Variants in SGO1 observed in about 807,000 individuals in gnomAD.
SGO1 encodes the protein serologically defined breast cancer antigen NY-BR-85.
SGO1 carries 39 observed loss-of-function variants against 50.5 expected under a neutral mutation model. That is an observed-to-expected ratio of 0.77 (90% CI 0.60 to 1.01). The LOEUF (loss-of-function observed/expected upper bound fraction) is 1.01, where lower values mean the gene tolerates loss of function less well. SGO1 is among the 50% of genes least tolerant of loss of function. The probability of loss-of-function intolerance (pLI) is 0.00; values close to 1 mark genes in which losing one functional copy is unlikely to be tolerated. For missense variants in SGO1, 638 were observed against 606.0 expected, an observed-to-expected ratio of 1.05 and a Z score of -0.55; for synonymous variants, 191 against 205.1, an observed-to-expected ratio of 0.93 and a Z score of 0.59.
chr3:20,175,868 T>C (rs901328681), intron 5 of SGO1, among the ~76,000 whole-genome samples: 18 of 152,050 alleles, frequency 1.2e-4, no homozygotes, highest in South Asian at 2.1e-4. Flanking sequence ...ATATGTATCA[T>C]TGAGTACAGA....
intron 3 of SGO1, among the ~76,000 whole-genome samples, chr3:20,182,972 C>T (rs62241698): frequency 0.047 from 7,165 of 151,858 alleles, 214 homozygotes; most frequent in Middle Eastern, 0.075. Flanking sequence ...GAGCCGAGAT[C>T]GCGCCACTGC....
chr3:20,184,219 C>T (rs933122131), intron 1 of SGO1, among the ~76,000 whole-genome samples, 185 bp from the exon 2 acceptor site: 1 of 152,166 alleles, frequency 6.6e-6, no homozygotes, highest in Non-Finnish European at 1.5e-5. Flanking sequence ...TTCTGATATT[C>T]TCTCTTCCTC....
At chr3:20,163,689 G>A (rs561531323) in intron 8 of SGO1, among the ~76,000 whole-genome samples, 3 of 152,266 alleles carry the variant, frequency 2.0e-5, no homozygotes, top group African/African-American at 7.2e-5. Context: ...GGTAAACGCT[G>A]CAGCTGCAAG....
At chr3:20,168,284 A>G (rs1284121226), downstream of SGO1, among the ~76,000 whole-genome samples, 2 of 152,206 alleles carry the variant, frequency 1.3e-5, no homozygotes, top group African/African-American at 4.8e-5. Flanking sequence ...CTAGAGCAGG[A>G]GTTGGCAAAC....
At chr3:20,169,082 T>C, downstream of SGO1, 1 of 984,932 alleles carries the variant, frequency 1.0e-6, no homozygotes, top group South Asian at 4.7e-5. Context: ...CTAGGGTGTA[T>C]GAATCAGTGA....
downstream of SGO1, chr3:20,169,368 C>A (rs1013240617): frequency 1.2e-5 from 12 of 984,698 alleles, no homozygotes; most frequent in Non-Finnish European, 1.4e-5. Flanking sequence ...AGAACACCCC[C>A]CCCTCAAAAA....
Position 20,183,911 on chromosome 3 carries a change from A to G in SGO1, c.117T>C (p.Phe39=). 3 of 1,610,994 alleles carry G rather than the reference A, an allele frequency of 1.9e-6. No homozygotes were observed. Among genetic ancestry groups the G allele is most frequent in the Non-Finnish European group, 2.5e-6 (3 of 1,179,292 alleles). The change falls in exon 2 of 8, where the codon TTT becomes TTC. Residue 39 remains phenylalanine (F), a synonymous_variant. Transcript: ENST00000412997. ...NLAEIGKRRS[F]IAAPCQIITN... Reference sequence around the variant, plus strand: ...TGATTATTTGGCATGGTGCAGCTATAAAAGACCTGCGTTTGCCAATCTCTG... The same window carrying G: ...TGATTATTTGGCATGGTGCAGCTATGAAAGACCTGCGTTTGCCAATCTCTG...
chr3:20,174,085 C>A (rs1701079521), intron 6 of SGO1, among the ~76,000 whole-genome samples, 164 bp downstream of exon 6: 1 of 152,148 alleles, frequency 6.6e-6, no homozygotes. Context: ...TTTCCACACC[C>A]AGCCCCCCAC....
downstream of SGO1, among the ~76,000 whole-genome samples, chr3:20,167,146 G>A (rs576340251): frequency 3.2e-4 from 49 of 152,270 alleles, no homozygotes; most frequent in African/African-American, 1.1e-3. Context: ...CCCATTCTAT[G>A]ACAAAGCTAG....
intron 6 of SGO1, among the ~76,000 whole-genome samples, chr3:20,172,789 AAGT>A (rs1240156946): frequency 6.1e-5 from 8 of 130,140 alleles, no homozygotes. Context: ...TCTTCACAAA[AAGT>A]AAAAAAAAAA....
intron 3 of SGO1, among the ~76,000 whole-genome samples, chr3:20,179,794 A>G (rs1701806899): frequency 6.6e-6 from 1 of 152,218 alleles, no homozygotes; most frequent in South Asian, 2.1e-4. Flanking sequence ...GACATGGAAC[A>G]GTCAGAAAGG....
chr3:20,175,745 G>A (rs917071508), intron 5 of SGO1, among the ~76,000 whole-genome samples: 18 of 151,550 alleles, frequency 1.2e-4, no homozygotes, highest in African/African-American at 4.1e-4. Context: ...CTTGTAGTGA[G>A]CTGAGATCGC....
intron 3 of SGO1, among the ~76,000 whole-genome samples, chr3:20,182,115 C>A (rs552682083): frequency 6.6e-6 from 1 of 151,728 alleles, no homozygotes; most frequent in Non-Finnish European, 1.5e-5. Context: ...ACATAAAGTT[C>A]CCGTGAAGAA....
Position 20,183,612 on chromosome 3 carries a change from G to A in SGO1, c.335C>T (p.Ala112Val), listed in dbSNP as rs540144797. The A allele has an allele frequency of 1.5e-5, 23 of 1,575,894 alleles. No individual in the cohort carries two copies. The East Asian group carries it at 5.2e-4, about 36-fold the overall frequency. Residue 112 changes from alanine (A) to valine (V), a missense_variant, in exon 3 of 8, where the codon GCT becomes GTT. Physicochemically the swap from Ala to Val is moderately conservative, Grantham distance 64. Coordinates refer to ENST00000412997, the MANE Select transcript of SGO1 (RefSeq NM_001199251.3). ...CGGCCTTAGTAATGAAAATACCTGA[G>A]CAGGTTCTACTGTTTGTTGTGATGT... ...KLTSQQTVEP[A>V]QNQEICSSGM...
intron 8 of SGO1, among the ~76,000 whole-genome samples, chr3:20,163,055 C>A (rs1262438663): frequency 6.6e-6 from 1 of 151,748 alleles, no homozygotes; most frequent in Non-Finnish European, 1.5e-5. Context: ...ATTCATAGTA[C>A]CTTAAGAAGT....
At chr3:20,175,270 A>T (rs1291644178) in intron 5 of SGO1, among the ~76,000 whole-genome samples, 1 of 152,208 alleles carries the variant, frequency 6.6e-6, no homozygotes, top group African/African-American at 2.4e-5. Context: ...TGACATGTGA[A>T]AGAATCTTGT....
downstream of SGO1, among the ~76,000 whole-genome samples, chr3:20,165,801 C>A (rs4858772): frequency 0.23 from 34,231 of 152,134 alleles, 3,853 homozygotes; most frequent in Admixed American, 0.26. Flanking sequence ...CCTGTAATCC[C>A]AGCACTTTGG....
intron 5 of SGO1, among the ~76,000 whole-genome samples, chr3:20,175,689 C>T (rs532114757): frequency 4.0e-5 from 6 of 151,858 alleles, no homozygotes; most frequent in African/African-American, 1.5e-4. Context: ...GTCCCAACTA[C>T]TCGGGAGACT....
chr3:20,168,663 G>A (rs1455661108), downstream of SGO1, among the ~76,000 whole-genome samples: 2 of 144,124 alleles, frequency 1.4e-5, no homozygotes, highest in African/African-American at 5.1e-5. Context: ...TTTTTTTTGA[G>A]ATGGAGTCTC....
Sources: allele counts gnomAD v4.1 joint callset (sites outside exome capture counted in the v4.1 genomes callset), GRCh38; gene constraint gnomAD v4.1.1; transcripts MANE v1.5; gene names NCBI Gene and HGNC (gene_info 2026-07-23, HGNC 2026-07-21).